RPRD2: variants seen among roughly 807,000 people sequenced by gnomAD.
The protein encoded by RPRD2 is regulation of nuclear pre-mRNA domain containing 2, also known as regulation of nuclear pre-mRNA domain-containing protein 2.
A neutral mutation model predicts 104.4 loss-of-function variants in RPRD2; 12 were observed. The ratio of observed to expected loss-of-function variants is 0.11; its 90% confidence interval spans 0.07 to 0.19. RPRD2 has a LOEUF of 0.19. Among genes scored for constraint, RPRD2 ranks in the 10% least tolerant of loss-of-function variants. RPRD2 has a pLI of 1.00. For synonymous variants in RPRD2, 714 were observed against 684.9 expected (o/e 1.04, Z -0.66); for missense variants, 1,543 against 1,790.1 (o/e 0.86, Z 2.49).
At chr1:150,440,236 A>T (rs1223994539) in intron 2 of RPRD2, among the ~76,000 whole-genome samples, 1 of 151,864 alleles carries the variant, frequency 6.6e-6, no homozygotes, top group Non-Finnish European at 1.5e-5. Context: ...CAAACTCCTG[A>T]CCTCAGGCAA....
chr1:150,405,469 G>T (rs587674990), intron 1 of RPRD2, among the ~76,000 whole-genome samples: 2 of 152,112 alleles, frequency 1.3e-5, no homozygotes, highest in East Asian at 1.9e-4. Context: ...GCTATATTTG[G>T]TAGCATATAA....
At chr1:150,416,239 T>G (rs1205808094) in intron 1 of RPRD2, among the ~76,000 whole-genome samples, 1 of 151,974 alleles carries the variant, frequency 6.6e-6, no homozygotes, top group African/African-American at 2.4e-5. Flanking sequence ...AATAAAATAT[T>G]GGTTTAAATA....
intron 7 of RPRD2, among the ~76,000 whole-genome samples, chr1:150,455,327 C>T (rs1667451112): frequency 6.6e-6 from 1 of 152,024 alleles, no homozygotes. Flanking sequence ...CATGGTGAAA[C>T]CCCGTCTCTA....
At chr1:150,462,677 T>C (rs587676978) in intron 9 of RPRD2, among the ~76,000 whole-genome samples, 1 of 152,002 alleles carries the variant, frequency 6.6e-6, no homozygotes, top group East Asian at 2.0e-4. Context: ...TGCCTCAGCC[T>C]CCTGAGTAGC....
chr1:150,418,676 CAAT>C (rs1357165233), intron 2 of RPRD2, among the ~76,000 whole-genome samples: 1 of 152,076 alleles, frequency 6.6e-6, no homozygotes, highest in Non-Finnish European at 1.5e-5. Flanking sequence ...ATTACCATAT[CAAT>C]AATTTTATTT....
At chr1:150,460,564 G>T (rs1194898086) in intron 9 of RPRD2, among the ~76,000 whole-genome samples, 5 of 151,628 alleles carry the variant, frequency 3.3e-5, no homozygotes, top group Non-Finnish European at 7.4e-5. Flanking sequence ...TACCACGCCC[G>T]GCTAATTTTT....
intron 10 of RPRD2, 51 bp from the exon 11 acceptor site, chr1:150,470,510 T>C: frequency 1.3e-6 from 2 of 1,549,594 alleles, no homozygotes; most frequent in Non-Finnish European, 1.7e-6. Context: ...TTGTTTGCAT[T>C]GTATGATAGG....
rs932250337 is a variant in RPRD2 at position 150,475,581 on chromosome 1, T to C, written c.*2247T>C. 1 of 152,608 alleles carries C rather than the reference T, an allele frequency of 6.6e-6. No individual in the cohort carries two copies. Among genetic ancestry groups the C allele is most frequent in the Admixed American group, 6.5e-5 (1 of 15,282 alleles). 9.5% of individuals were successfully genotyped at this position (152,608 alleles called of 1,614,324 possible). ...GAGTTGGGTTTTTGTGGGGTACTTT[T>C]TTGTTTTTTAAGCCACAAAATCCTC... On this transcript the variant is annotated 3_prime_UTR_variant, in exon 11 of 11. Coordinates refer to ENST00000369068, the MANE Select transcript of RPRD2 (RefSeq NM_015203.5).
intron 9 of RPRD2, 110 bp from the exon 10 acceptor site, chr1:150,464,417 C>A: frequency 9.8e-6 from 7 of 713,668 alleles, no homozygotes; most frequent in Non-Finnish European, 1.1e-5. Context: ...TGTGGATCAA[C>A]CACAGAAGAA....
At chr1:150,372,904 T>C (rs1553878716) in intron 1 of RPRD2, among the ~76,000 whole-genome samples, 1 of 152,072 alleles carries the variant, frequency 6.6e-6, no homozygotes, top group Admixed American at 6.6e-5. Flanking sequence ...TGGGTGGTGT[T>C]GGGGAGGGGT....
Position 150,364,705 on chromosome 1 carries a change from A to G in RPRD2, c.-10A>G, listed in dbSNP as rs1659696846. ...CCAGAGGAGCAGCAGCGCTTGTGCA[A>G]ACCGGGAAGATGGCGGCCGGCGGCG... is the stretch of plus-strand genomic sequence containing the variant. On this transcript the variant is annotated 5_prime_UTR_variant, in exon 1 of 11. Coordinates refer to ENST00000369068, the MANE Select transcript of RPRD2 (RefSeq NM_015203.5). 2 of 1,545,170 alleles carry G rather than the reference A, an allele frequency of 1.3e-6. No individual in the cohort carries two copies. The highest frequency in any genetic ancestry group is 2.0e-5 in the Admixed American group (1 of 50,986).
intron 1 of RPRD2, among the ~76,000 whole-genome samples, chr1:150,411,679 T>G (rs1328960685): frequency 7.9e-6 from 1 of 126,138 alleles, no homozygotes; most frequent in Non-Finnish European, 1.6e-5. Context: ...TAGTCCCAGT[T>G]ACTCAGGAAG....
intron 1 of RPRD2, among the ~76,000 whole-genome samples, chr1:150,376,725 C>G (rs938429650): frequency 2.6e-5 from 4 of 151,688 alleles, no homozygotes; most frequent in Admixed American, 6.5e-5. Flanking sequence ...TGGTCTCGAT[C>G]TCCTGACCTC....
At chr1:150,409,725 T>A (rs1240425590) in intron 1 of RPRD2, among the ~76,000 whole-genome samples, 1 of 147,000 alleles carries the variant, frequency 6.8e-6, no homozygotes, top group Non-Finnish European at 1.5e-5. Flanking sequence ...CTTGGCTCAC[T>A]GTAACCTCCG....
At chr1:150,378,168 G>A (rs1164744051) in intron 1 of RPRD2, among the ~76,000 whole-genome samples, 3 of 149,322 alleles carry the variant, frequency 2.0e-5, no homozygotes, top group African/African-American at 7.5e-5. Flanking sequence ...TAATAGTTTA[G>A]TAAGAAAATA....
chr1:150,463,510 A>G (rs1668072557), intron 9 of RPRD2, among the ~76,000 whole-genome samples: 1 of 152,132 alleles, frequency 6.6e-6, no homozygotes, highest in South Asian at 2.1e-4. Flanking sequence ...CATTTCTTCT[A>G]TGAAAGATGT....
At chr1:150,397,016 C>T (rs1553884349) in intron 1 of RPRD2, among the ~76,000 whole-genome samples, 3 of 152,062 alleles carry the variant, frequency 2.0e-5, no homozygotes, top group African/African-American at 7.2e-5. Flanking sequence ...CTCTGTCGCC[C>T]AGGCTGGAGT....
At chr1:150,397,797 A>G (rs947165280) in intron 1 of RPRD2, among the ~76,000 whole-genome samples, 4 of 152,070 alleles carry the variant, frequency 2.6e-5, no homozygotes, top group African/African-American at 9.7e-5. Context: ...CCCAGGCTGG[A>G]GTGTAGTGGC....
chr1:150,401,393 C>T (rs377330905), intron 1 of RPRD2, among the ~76,000 whole-genome samples: 1 of 151,268 alleles, frequency 6.6e-6, no homozygotes, highest in East Asian at 2.0e-4. Flanking sequence ...GACGCCAAGG[C>T]AGAAGAATTG....
Sources: allele counts gnomAD v4.1 joint callset (sites outside exome capture counted in the v4.1 genomes callset), GRCh38; gene constraint gnomAD v4.1.1; transcripts MANE v1.5; gene names NCBI Gene and HGNC (gene_info 2026-07-23, HGNC 2026-07-21).